Variants in KHDRBS3 observed in about 807,000 individuals in gnomAD.
The protein encoded by KHDRBS3 is KH domain-containing, RNA-binding, signal transduction-associated protein 3.
In KHDRBS3, 23 loss-of-function variants were observed where a neutral mutation model predicts 45.6. That is an observed-to-expected ratio of 0.50 (90% CI 0.36 to 0.72). KHDRBS3 has a LOEUF of 0.72. Ranked by LOEUF, KHDRBS3 falls within the 30% of genes least tolerant of loss-of-function variation. KHDRBS3 has a pLI of 0.00. For missense variants in KHDRBS3, 352 were observed against 424.8 expected (o/e 0.83, Z 1.51); for synonymous variants, 162 against 156.5 (o/e 1.04, Z -0.26).
chr8:135,631,036 G>A (rs771378720), intron 7 of KHDRBS3, among the ~76,000 whole-genome samples: 15 of 152,036 alleles, frequency 9.9e-5, no homozygotes, highest in Non-Finnish European at 1.9e-4. Context: ...ATTGCCTGAG[G>A]TCAGGAGTTC....
rs776799106 is a variant in KHDRBS3 at position 135,582,082 on chromosome 8, A to G, written c.807+9A>G. The G allele has an allele frequency of 6.5e-7, 1 of 1,530,930 alleles. No individual in the cohort carries two copies. The highest frequency in any genetic ancestry group is 1.3e-5 in the South Asian group (1 of 77,748). 94.8% of individuals were successfully genotyped at this position (1,530,930 alleles called of 1,614,324 possible). A position where few individuals can be genotyped will look rare whatever the true frequency, so the allele number is the denominator to read the frequency against. On this transcript the variant is annotated intron_variant, in intron 6 of 8. Coordinates refer to ENST00000355849, the MANE Select transcript of KHDRBS3 (RefSeq NM_006558.3). ...AGACTTATGGAGAATATGTAAGTGAAGGTGTCAGACAACAGCCTTGTTCAT... is the reference window on the plus strand; with the variant it reads ...AGACTTATGGAGAATATGTAAGTGAGGGTGTCAGACAACAGCCTTGTTCAT...
intron 6 of KHDRBS3, among the ~76,000 whole-genome samples, chr8:135,592,979 G>A (rs1380798975): frequency 1.3e-5 from 2 of 152,084 alleles, no homozygotes; most frequent in African/African-American, 2.4e-5. Context: ...TTGGAGGTTT[G>A]CTTGAGGCCA....
intron 2 of KHDRBS3, among the ~76,000 whole-genome samples, chr8:135,531,609 A>G (rs970316890): frequency 2.0e-5 from 3 of 152,212 alleles, no homozygotes; most frequent in African/African-American, 7.2e-5. Flanking sequence ...TAAATAATAT[A>G]GGATAAAGAT....
Position 135,548,818 on chromosome 8 carries a change from T to C in KHDRBS3, c.389T>C (p.Leu130Pro). 6.2e-7 allele frequency: 1 copy of C among 1,604,682 alleles called. No individual in the cohort carries two copies. Among genetic ancestry groups the C allele is most frequent in the Non-Finnish European group, 8.5e-7 (1 of 1,175,202 alleles). Residue 130 changes from leucine (L) to proline (P), a missense_variant, in exon 4 of 9, where the codon CTC becomes CCC. Transcript: ENST00000355849. ...CATCTCAATGATGATCTCCATGTTCTCATTGAAGTGTTTGCCCCACCTGCA... is the reference window on the plus strand; with the variant it reads ...CATCTCAATGATGATCTCCATGTTCCCATTGAAGTGTTTGCCCCACCTGCA... ...YFHLNDDLHV[L>P]IEVFAPPAEA...
intron 7 of KHDRBS3, among the ~76,000 whole-genome samples, chr8:135,617,677 A>G (rs1038287334): frequency 1.3e-5 from 2 of 152,210 alleles, no homozygotes; most frequent in African/African-American, 4.8e-5. Flanking sequence ...TAGAGCTGGC[A>G]TGTGAACCCA....
At chr8:135,646,103 G>A (rs904761434) in intron 8 of KHDRBS3, among the ~76,000 whole-genome samples, 2 of 150,634 alleles carry the variant, frequency 1.3e-5, no homozygotes, top group Non-Finnish European at 2.9e-5. Context: ...TTAGCTTGAG[G>A]GAGTGACGTT....
chr8:135,506,841 T>TA (rs1473312698), intron 1 of KHDRBS3, among the ~76,000 whole-genome samples: 3 of 152,192 alleles, frequency 2.0e-5, no homozygotes, highest in Admixed American at 6.5e-5. Flanking sequence ...TGTTTTTTTT[T>TA]ACTGACAAAT....
At chr8:135,538,615 A>T (rs1825892438) in intron 2 of KHDRBS3, 2 of 152,198 alleles carry the variant, frequency 1.3e-5, no homozygotes, top group African/African-American at 4.8e-5. Flanking sequence ...TGACCCTGAA[A>T]TGTAATGACT....
chr8:135,521,615 C>T (rs967602802), intron 2 of KHDRBS3, among the ~76,000 whole-genome samples: 24 of 152,210 alleles, frequency 1.6e-4, no homozygotes, highest in Admixed American at 5.9e-4. Context: ...CTTCTTTCCA[C>T]TTCAGTTTCC....
intron 6 of KHDRBS3, among the ~76,000 whole-genome samples, chr8:135,601,354 T>C (rs1013025388): frequency 6.6e-5 from 10 of 152,140 alleles, no homozygotes; most frequent in African/African-American, 2.4e-4. Context: ...GAAGTACATA[T>C]ATTAGGTCCA....
At chr8:135,494,404 G>C (rs1202601875) in intron 1 of KHDRBS3, among the ~76,000 whole-genome samples, 1 of 150,128 alleles carries the variant, frequency 6.7e-6, no homozygotes, top group Non-Finnish European at 1.5e-5. Flanking sequence ...TCAGCCTCCT[G>C]AGTAGCTGGG....
chr8:135,537,460 C>T (rs151171924), intron 2 of KHDRBS3, among the ~76,000 whole-genome samples: 261 of 152,258 alleles, frequency 1.7e-3, no homozygotes, highest in African/African-American at 5.8e-3. Flanking sequence ...TTCAGAAAGG[C>T]GCTTGGTCTT....
chr8:135,617,126 T>C (rs1485181734), intron 7 of KHDRBS3, among the ~76,000 whole-genome samples: 1 of 152,102 alleles, frequency 6.6e-6, no homozygotes, highest in Admixed American at 6.6e-5. Flanking sequence ...ACATTGTAAT[T>C]AAGTGAGATA....
intron 1 of KHDRBS3, among the ~76,000 whole-genome samples, chr8:135,465,294 A>T (rs1377454774): frequency 6.6e-6 from 1 of 152,222 alleles, no homozygotes; most frequent in Non-Finnish European, 1.5e-5. Context: ...ACGTAAGTAC[A>T]GTGTCTAACA....
intron 1 of KHDRBS3, among the ~76,000 whole-genome samples, chr8:135,513,199 C>CA (rs923068828): frequency 7.8e-4 from 108 of 138,946 alleles, no homozygotes; most frequent in South Asian, 1.4e-3. Context: ...GACTCCGTCT[C>CA]AAAAAAAAAA....
At chr8:135,636,344 AT>A (rs1830812568) in intron 7 of KHDRBS3, among the ~76,000 whole-genome samples, 1 of 152,250 alleles carries the variant, frequency 6.6e-6, no homozygotes, top group Non-Finnish European at 1.5e-5. Context: ...CATCAAGGAC[AT>A]TGTTAAGTGA....
chr8:135,651,646 T>C (rs1366477128), downstream of KHDRBS3, among the ~76,000 whole-genome samples: 1 of 152,192 alleles, frequency 6.6e-6, no homozygotes, highest in Non-Finnish European at 1.5e-5. Flanking sequence ...GTGCCTCATT[T>C]AGTCTGTGTT....
intron 5 of KHDRBS3, among the ~76,000 whole-genome samples, chr8:135,562,424 C>A (rs1490194909): frequency 6.6e-6 from 1 of 152,142 alleles, no homozygotes; most frequent in African/African-American, 2.4e-5. Flanking sequence ...TAGGCTACGC[C>A]ACCTAGGTTT....
At chr8:135,593,650 T>G (rs1828848180) in intron 6 of KHDRBS3, among the ~76,000 whole-genome samples, 1 of 152,080 alleles carries the variant, frequency 6.6e-6, no homozygotes, top group Non-Finnish European at 1.5e-5. Flanking sequence ...GCTAATTTTT[T>G]TATTTTTTAT....
Sources: gnomAD v4.1 joint callset for allele counts (sites outside exome capture counted in the v4.1 genomes callset) on GRCh38, gnomAD v4.1.1 for gene constraint, MANE v1.5 for transcripts, NCBI Gene and HGNC (gene_info 2026-07-23, HGNC 2026-07-21) for gene names.